Variants in STIM2 observed in about 807,000 individuals in gnomAD.
STIM2 encodes stromal interaction molecule 2.
A neutral mutation model predicts 85.8 loss-of-function variants in STIM2; 31 were observed. That is an observed-to-expected ratio of 0.36 (90% CI 0.27 to 0.49). The LOEUF is 0.49. Ranked by LOEUF, STIM2 falls within the 20% of genes least tolerant of loss-of-function variation. The pLI is 0.98. For missense variants in STIM2, 841 were observed against 927.6 expected (o/e 0.91, Z 1.21); for synonymous variants, 356 against 331.1 (o/e 1.08, Z -0.82).
At chr4:27,012,092 C>T (rs936867521) in intron 10 of STIM2, among the ~76,000 whole-genome samples, 2 of 152,052 alleles carry the variant, frequency 1.3e-5, no homozygotes, top group Non-Finnish European at 2.9e-5. Context: ...TCTATCCTTG[C>T]TGACTTATAA....
intron 2 of STIM2, among the ~76,000 whole-genome samples, chr4:26,928,571 G>A (rs1434176448): frequency 1.3e-5 from 2 of 151,908 alleles, no homozygotes; most frequent in Admixed American, 1.3e-4. Flanking sequence ...TGAGAGTCTT[G>A]CTGTGTGGCT....
rs1729042960 is a variant in STIM2 at position 27,025,146 on chromosome 4, G to T, written c.*2150G>T. 1 of 151,914 alleles carries T rather than the reference G, an allele frequency of 6.6e-6. No individual in the cohort carries two copies. Among genetic ancestry groups the T allele is most frequent in the South Asian group, 2.1e-4 (1 of 4,820 alleles). The allele number at this position is 151,914 out of a possible 1,614,324, so 9.4% of individuals were successfully genotyped here. On this transcript the variant is annotated 3_prime_UTR_variant, in exon 12 of 12. Coordinates refer to ENST00000467087, the MANE Select transcript of STIM2 (RefSeq NM_020860.4). ...CATTTATAAACAAATTCAACCAAGG[G>T]ATATTTACTGCTTTATGTTGCTTAT...
chr4:26,922,304 A>G (rs1042909201), intron 2 of STIM2, among the ~76,000 whole-genome samples: 1 of 152,150 alleles, frequency 6.6e-6, no homozygotes, highest in African/African-American at 2.4e-5. Flanking sequence ...TTCTAAAATT[A>G]TTATTGTACA....
rs577626744 is a variant in STIM2, at chr4:26,949,928, T to C, written c.283-7684T>C. 3.9e-5 allele frequency among the ~76,000 whole-genome samples: 6 copies of C among 152,322 alleles called. No homozygotes were observed. The South Asian group carries it at 1.2e-3, about 32-fold the overall frequency. The stretch of plus-strand genomic sequence containing the variant: ...TGCTTTATAAAAATATTAATCAAAT[T>C]GAATACTTAAAATATTTTAATGAAG... On this transcript the variant is annotated intron_variant, in intron 2 of 11. Transcript: ENST00000467087.
At chr4:26,950,918 T>C (rs1726026240) in intron 2 of STIM2, among the ~76,000 whole-genome samples, 1 of 152,136 alleles carries the variant, frequency 6.6e-6, no homozygotes, top group South Asian at 2.1e-4. Flanking sequence ...GTTCTTTTTT[T>C]TTTAAATGTA....
At chr4:26,963,940 A>AC (rs1185394739) in intron 3 of STIM2, among the ~76,000 whole-genome samples, 1 of 152,226 alleles carries the variant, frequency 6.6e-6, no homozygotes, top group South Asian at 2.1e-4. Flanking sequence ...TGTAGTGCAT[A>AC]ACCATCTCAT....
intron 1 of STIM2, chr4:26,873,502 C>T (rs1722705663): frequency 2.9e-6 from 1 of 343,640 alleles, no homozygotes; most frequent in East Asian, 7.0e-5. Context: ...CTCTGGGTCC[C>T]TTGTTATTTC....
At chr4:26,920,199 A>G (rs1191902806) in intron 2 of STIM2, among the ~76,000 whole-genome samples, 2 of 152,172 alleles carry the variant, frequency 1.3e-5, no homozygotes, top group Non-Finnish European at 2.9e-5. Context: ...CCAAGAGGGT[A>G]AGTTCCCATG....
At chr4:26,871,919 G>A (rs371831708) in intron 1 of STIM2, among the ~76,000 whole-genome samples, 1 of 152,132 alleles carries the variant, frequency 6.6e-6, no homozygotes, top group African/African-American at 2.4e-5. Flanking sequence ...TTGAATCCCA[G>A]TCTGACAGTG....
At chr4:26,880,784 A>G (rs1722988809) in intron 1 of STIM2, among the ~76,000 whole-genome samples, 2 of 150,728 alleles carry the variant, frequency 1.3e-5, no homozygotes. Flanking sequence ...TTTAAACCAG[A>G]TACGGTAACT....
chr4:27,007,316 A>ATTT (rs370537485), intron 7 of STIM2, among the ~76,000 whole-genome samples: 2 of 140,082 alleles, frequency 1.4e-5, no homozygotes, highest in Admixed American at 7.1e-5. Flanking sequence ...CTCAGCCTTC[A>ATTT]TTTTTTTTTT....
chr4:26,894,442 T>A (rs1723617120), intron 1 of STIM2, among the ~76,000 whole-genome samples: 2 of 152,186 alleles, frequency 1.3e-5, no homozygotes, highest in South Asian at 4.1e-4. Context: ...CAAATTCAGG[T>A]TTTTATTCAC....
chr4:26,901,196 A>G (rs1022456008), intron 1 of STIM2, among the ~76,000 whole-genome samples: 5 of 152,186 alleles, frequency 3.3e-5, no homozygotes, highest in Admixed American at 2.0e-4. Flanking sequence ...TATGTTTTGC[A>G]CATTTTCAGT....
rs369682908 is a variant in STIM2 at position 26,875,146 on chromosome 4, TCTTAA to T, written c.151+13782_151+13786del. ...AGTTTTATACAAAGCATATCCATATTCTTAACTTACTATCAAGTTTAACTTAGTGT... is the reference window on the plus strand; with the variant it reads ...AGTTTTATACAAAGCATATCCATATTCTTACTATCAAGTTTAACTTAGTGT... On this transcript the variant is annotated intron_variant, in intron 1 of 11. Coordinates refer to ENST00000467087, the MANE Select transcript of STIM2 (RefSeq NM_020860.4). Among the ~76,000 whole-genome samples the T allele has an allele frequency of 4.4e-3, 670 of 152,360 alleles. 8 individuals are homozygous for T. Among genetic ancestry groups the T allele is most frequent in the African/African-American group, 0.016 (649 of 41,584 alleles).
intron 1 of STIM2, among the ~76,000 whole-genome samples, chr4:26,894,020 C>T (rs1161701398): frequency 6.6e-6 from 1 of 152,074 alleles, no homozygotes; most frequent in African/African-American, 2.4e-5. Flanking sequence ...TCCCAAGTAG[C>T]TGGGATTACA....
intron 2 of STIM2, 22 bp from the exon 3 acceptor site, chr4:26,957,590 C>T (rs1726294473): frequency 7.7e-7 from 1 of 1,302,686 alleles, no homozygotes; most frequent in African/African-American, 1.5e-5. Flanking sequence ...TTATATTTAA[C>T]TTAATGTTTT....
At chr4:26,889,717 C>A (rs1286349662) in intron 1 of STIM2, among the ~76,000 whole-genome samples, 1 of 152,108 alleles carries the variant, frequency 6.6e-6, no homozygotes, top group Non-Finnish European at 1.5e-5. Flanking sequence ...TGTTGCTGAG[C>A]CACCTTCCTC....
chr4:26,892,531 G>T (rs770283966), intron 1 of STIM2, among the ~76,000 whole-genome samples: 1 of 152,072 alleles, frequency 6.6e-6, no homozygotes, highest in East Asian at 1.9e-4. Flanking sequence ...ATTTTTTTGG[G>T]GGGGGACGCA....
chr4:26,918,228 C>CTTTT (rs367780616), intron 1 of STIM2, among the ~76,000 whole-genome samples: 1 of 130,546 alleles, frequency 7.7e-6, no homozygotes, highest in Non-Finnish European at 1.7e-5. Context: ...ATCAGTTTGA[C>CTTTT]TTTTTTTTTT....
Sources: allele counts gnomAD v4.1 joint callset (sites outside exome capture counted in the v4.1 genomes callset), GRCh38; gene constraint gnomAD v4.1.1; transcripts MANE v1.5; gene names NCBI Gene and HGNC (gene_info 2026-07-23, HGNC 2026-07-21).